PCDHGA5: variants seen among roughly 807,000 people sequenced by gnomAD.
PCDHGA5 encodes the protein protocadherin gamma subfamily A, 5, also known as protocadherin gamma-A5.
Under a neutral mutation model 56.7 loss-of-function variants are expected in PCDHGA5, and 36 were observed. The observed-to-expected ratio is 0.64, with a 90% CI of 0.49 to 0.84. The LOEUF is 0.84. Ranked by LOEUF, PCDHGA5 falls within the 40% of genes least tolerant of loss-of-function variation. PCDHGA5 has a pLI of 0.00. For missense variants in PCDHGA5, 1,305 were observed against 1,201.5 expected, an observed-to-expected ratio of 1.09 and a Z score of -1.27; for synonymous variants, 563 against 520.2, an observed-to-expected ratio of 1.08 and a Z score of -1.12.
At chr5:141,423,238 G>A (rs765040062) in intron 1 of PCDHGA5, 3 of 1,613,778 alleles carry the variant, frequency 1.9e-6, no homozygotes, top group South Asian at 1.1e-5. Flanking sequence ...CAGCATCCCC[G>A]AAGTCCTGGC....
At chr5:141,466,279 T>A (rs1386803685) in intron 1 of PCDHGA5, among the ~76,000 whole-genome samples, 1 of 152,144 alleles carries the variant, frequency 6.6e-6, no homozygotes, top group Non-Finnish European at 1.5e-5. Flanking sequence ...CAAGCAATCT[T>A]CCCACCTCAG....
intron 1 of PCDHGA5, chr5:141,430,826 C>A: frequency 6.4e-7 from 1 of 1,550,416 alleles, no homozygotes; most frequent in Non-Finnish European, 8.7e-7. Flanking sequence ...CCTGGGGACT[C>A]TGTGGGAGAC....
rs773763605 is a variant in PCDHGA5, at chr5:141,476,631, A to G, written c.2422-18176A>G. On this transcript the variant is annotated intron_variant, in intron 1 of 3. Transcript: ENST00000518069. The surrounding 1 kb of genome is among the most constrained non-coding windows in gnomAD (Gnocchi z 7.6). ...GTGGGAAGCAACTCTTTACAAACCT[A>G]TGAGCTGAGCCGAAATGAATACTTT... The G allele has an allele frequency of 2.5e-6, 4 of 1,614,224 alleles. No individual in the cohort carries two copies. Among genetic ancestry groups the G allele is most frequent in the Admixed American group, 1.7e-5 (1 of 60,032 alleles).
intron 1 of PCDHGA5, chr5:141,376,053 C>A (rs1453617614): frequency 6.2e-7 from 1 of 1,613,372 alleles, no homozygotes; most frequent in African/African-American, 1.3e-5. Flanking sequence ...CTCTCCGCCA[C>A]TGTCACGCTC....
At chr5:141,479,241 G>T (rs2099490987) in intron 1 of PCDHGA5, 1 of 152,174 alleles carries the variant, frequency 6.6e-6, no homozygotes, top group Admixed American at 6.5e-5. Context: ...CAAACCCAAA[G>T]ATAACCATTT....
intron 1 of PCDHGA5, among the ~76,000 whole-genome samples, chr5:141,402,239 T>A (rs1361940803): frequency 6.6e-6 from 1 of 152,066 alleles, no homozygotes; most frequent in African/African-American, 2.4e-5. Flanking sequence ...AGGAATTTTA[T>A]CATCAAAATA....
chr5:141,374,993 TC>T, intron 1 of PCDHGA5: 1 of 1,614,056 alleles, frequency 6.2e-7, no homozygotes, highest in Non-Finnish European at 8.5e-7. Context: ...AATTTCAACT[TC>T]TGCAAATCTA....
chr5:141,409,164 C>G (rs115772303), intron 1 of PCDHGA5: 18 of 1,613,792 alleles, frequency 1.1e-5, no homozygotes, highest in Non-Finnish European at 1.4e-5. Flanking sequence ...GAAGTGGAAG[C>G]GAAGGACGGA....
At chr5:141,394,268 C>G in intron 1 of PCDHGA5, 1 of 1,613,946 alleles carries the variant, frequency 6.2e-7, no homozygotes, top group African/African-American at 1.3e-5. Flanking sequence ...AGGAGAATGC[C>G]CAGGTCACTT....
At chr5:141,419,139 G>C in intron 1 of PCDHGA5, 1 of 1,613,916 alleles carries the variant, frequency 6.2e-7, no homozygotes, top group South Asian at 1.1e-5. Flanking sequence ...GCCACAGACA[G>C]GGGCAAGCCT....
chr5:141,393,853 T>A, intron 1 of PCDHGA5: 1 of 1,613,992 alleles, frequency 6.2e-7, no homozygotes, highest in Admixed American at 1.7e-5. Context: ...AGACCAGAAG[T>A]GATCATTACG....
intron 1 of PCDHGA5, chr5:141,423,558 G>T: frequency 1.2e-6 from 2 of 1,613,580 alleles, no homozygotes; most frequent in Non-Finnish European, 1.7e-6. Context: ...CCAACTATGG[G>T]GACACGCTCA....
intron 1 of PCDHGA5, chr5:141,421,424 G>A: frequency 6.2e-7 from 1 of 1,614,092 alleles, no homozygotes. Context: ...CGCGGAGTCC[G>A]CATCGTCTCC....
chr5:141,502,383 G>A (rs941410477), intron 2 of PCDHGA5, among the ~76,000 whole-genome samples: 2 of 151,846 alleles, frequency 1.3e-5, no homozygotes, highest in African/African-American at 4.8e-5. Context: ...CAGGCCAGTT[G>A]TACTTTAAAA....
rs34152666 is a variant in PCDHGA5 at position 141,428,860 on chromosome 5, C to CT, written c.2421+62122dup. 6.7e-4 allele frequency: 98 copies of CT among 145,544 alleles called. 1 individual carries two copies. The highest frequency in any genetic ancestry group is 1.4e-3 in the East Asian group (7 of 4,990). 9.0% of individuals were successfully genotyped at this position (145,544 alleles called of 1,614,324 possible). On this transcript the variant is annotated intron_variant, in intron 1 of 3. Transcript: ENST00000518069. ...ACATTTTCACCATTTTTACGGGAGA[C>CT]TTTTTTTTTTTTTGGACGGAGTCTC...
At chr5:141,399,315 T>C in intron 1 of PCDHGA5, 2 of 1,613,878 alleles carry the variant, frequency 1.2e-6, no homozygotes, top group Non-Finnish European at 8.5e-7. Flanking sequence ...CATCCAAAAA[T>C]TCGTATAAGT....
intron 1 of PCDHGA5, among the ~76,000 whole-genome samples, chr5:141,456,379 C>A (rs181915740): frequency 1.3e-5 from 2 of 152,162 alleles, no homozygotes; most frequent in East Asian, 3.9e-4. Context: ...GTTTACAGCA[C>A]CGTTTGGAGT....
chr5:141,366,089 C>A lies in PCDHGA5; in HGVS notation c.1759C>A (p.Leu587Met), dbSNP rs1764317908. 1.9e-6 allele frequency: 3 copies of A among 1,614,268 alleles called. No homozygotes were observed. The highest frequency in any genetic ancestry group is 2.5e-6 in the Non-Finnish European group (3 of 1,180,048). ...GCCTCGCTCCGCAGAACCTGGCTAC[C>A]TGGTGACCAAGGTGGTAGCGGTGGA... ...LAPRSAEPGY[L>M]VTKVVAVDKD... The change falls in exon 1 of 4, where the codon CTG becomes ATG. Residue 587 changes from leucine (L) to methionine (M), a missense_variant. Leu to Met is a conservative substitution (Grantham distance 15). Coordinates refer to ENST00000518069, the MANE Select transcript of PCDHGA5 (RefSeq NM_018918.3).
At chr5:141,410,803 C>A in intron 1 of PCDHGA5, 11 of 409,880 alleles carry the variant, frequency 2.7e-5, no homozygotes, top group East Asian at 1.2e-4. Context: ...GTTGCTCTAT[C>A]TTTTTGTAAA....
Sources: gnomAD v4.1 joint callset for allele counts (sites outside exome capture counted in the v4.1 genomes callset) on GRCh38, gnomAD v4.1.1 for gene constraint, Gnocchi (gnomAD v3.1) non-coding constraint, MANE v1.5 for transcripts, NCBI Gene and HGNC (gene_info 2026-07-23, HGNC 2026-07-21) for gene names.